The following TVP23A variants were observed in gnomAD, a reference collection of about 807,000 sequenced individuals.
The protein encoded by TVP23A is trans-golgi network vesicle protein 23 homolog A.
A neutral mutation model predicts 31.7 loss-of-function variants in TVP23A; 21 were observed. That is an observed-to-expected ratio of 0.66 (90% CI 0.47 to 0.95). The LOEUF (loss-of-function observed/expected upper bound fraction) is 0.95. TVP23A is among the 40% of genes least tolerant of loss of function. The pLI is 0.00. For synonymous variants in TVP23A, 104 were observed against 96.0 expected, an observed-to-expected ratio of 1.08 and a Z score of -0.49; for missense variants, 279 against 255.6, an observed-to-expected ratio of 1.09 and a Z score of -0.62.
chr16:10,758,511 A>T (rs1467926556), downstream of TVP23A, among the ~76,000 whole-genome samples: 1 of 152,172 alleles, frequency 6.6e-6, no homozygotes. Flanking sequence ...TTTGGTCTAG[A>T]CATTTGCAGC....
intron 2 of TVP23A, among the ~76,000 whole-genome samples, chr16:10,787,564 C>T (rs945297591): frequency 3.3e-5 from 5 of 152,094 alleles, no homozygotes; most frequent in Admixed American, 2.0e-4. Context: ...GGCAGCCTTC[C>T]GTGAGCGCTA....
At chr16:10,801,094 T>C (rs2033673537) in intron 2 of TVP23A, among the ~76,000 whole-genome samples, 1 of 152,118 alleles carries the variant, frequency 6.6e-6, no homozygotes, top group South Asian at 2.1e-4. Flanking sequence ...TAGAATCAGC[T>C]CCTTTCTAAG....
At chr16:10,778,229 G>A (rs2032194373) in intron 2 of TVP23A, among the ~76,000 whole-genome samples, 1 of 152,092 alleles carries the variant, frequency 6.6e-6, no homozygotes, top group Non-Finnish European at 1.5e-5. Flanking sequence ...AGCTACTCAG[G>A]AGGCTGAGGC....
chr16:10,803,156 T>C (rs1596560212), intron 2 of TVP23A, among the ~76,000 whole-genome samples: 2 of 151,592 alleles, frequency 1.3e-5, no homozygotes, highest in Admixed American at 6.6e-5. Context: ...TGGTGGCGGG[T>C]GCCTGTAATG....
chr16:10,757,822 G>A (rs758114826), downstream of TVP23A: 10 of 1,589,640 alleles, frequency 6.3e-6, no homozygotes, highest in Middle Eastern at 1.7e-4. The surrounding 1 kb of genome is among the most constrained non-coding windows in gnomAD (Gnocchi z 4.1). Context: ...GGAGTTGAAA[G>A]TACAGAAAAG....
chr16:10,795,478 T>C (rs2033337868), intron 2 of TVP23A, among the ~76,000 whole-genome samples: 1 of 152,078 alleles, frequency 6.6e-6, no homozygotes, highest in African/African-American at 2.4e-5. Flanking sequence ...CTCGAACTCC[T>C]GACCTCAGGT....
intron 2 of TVP23A, among the ~76,000 whole-genome samples, chr16:10,786,828 A>G (rs1027081912): frequency 2.0e-5 from 3 of 152,148 alleles, no homozygotes; most frequent in Non-Finnish European, 2.9e-5. Flanking sequence ...AAGAAGAAAG[A>G]AATCGGCAGA....
At chr16:10,776,428 T>C (rs1367914426) in intron 2 of TVP23A, among the ~76,000 whole-genome samples, 1 of 151,968 alleles carries the variant, frequency 6.6e-6, no homozygotes, top group Admixed American at 6.6e-5. Flanking sequence ...TACCAAATTG[T>C]ATAGAGCAGG....
chr16:10,799,459 G>A (rs780301807), intron 2 of TVP23A, among the ~76,000 whole-genome samples: 1 of 152,214 alleles, frequency 6.6e-6, no homozygotes, highest in South Asian at 2.1e-4. Context: ...TCAGCCTCCC[G>A]AGTAGCTCGG....
intron 2 of TVP23A, among the ~76,000 whole-genome samples, chr16:10,799,743 G>A (rs977439861): frequency 6.6e-6 from 1 of 152,220 alleles, no homozygotes; most frequent in Non-Finnish European, 1.5e-5. Context: ...GGTGAAATGA[G>A]GGGTCCCAGG....
intron 2 of TVP23A, among the ~76,000 whole-genome samples, chr16:10,797,385 A>T (rs933044465): frequency 4.8e-5 from 7 of 146,396 alleles, no homozygotes; most frequent in Admixed American, 2.0e-4. Context: ...ATGAAAACAT[A>T]AAAAAAAAAA....
chr16:10,796,038 C>G (rs2033369189), intron 2 of TVP23A, among the ~76,000 whole-genome samples: 1 of 151,048 alleles, frequency 6.6e-6, no homozygotes. Context: ...GCCTGCAAAG[C>G]AAAAAAAATA....
intron 5 of TVP23A, 39 bp from the exon 6 acceptor site, chr16:10,771,837 G>T (rs1176569451): frequency 6.5e-7 from 1 of 1,547,172 alleles, no homozygotes; most frequent in South Asian, 1.2e-5. Context: ...ACTTTTTTTT[G>T]AGACAGAGTT....
At position 10,769,065 on chromosome 16, in the gene TVP23A, A is replaced by G. The variant is rs2031314812; in HGVS notation, c.*37T>C. 1.9e-6 allele frequency: 3 copies of G among 1,613,892 alleles called. No individual in the cohort carries two copies. Among genetic ancestry groups the G allele is most frequent in the Non-Finnish European group, 2.5e-6 (3 of 1,180,002 alleles). On this transcript the variant is annotated 3_prime_UTR_variant, in exon 8 of 8. Transcript: ENST00000299866. ...TTTCCAGGAATCCAAGAGTTTTGTA[A>G]TCTCCATCAGTCAAAAGAAGAGAAC...
At chr16:10,810,161 C>T in intron 2 of TVP23A, among the ~76,000 whole-genome samples, 1 of 152,098 alleles carries the variant, frequency 6.6e-6, no homozygotes, top group East Asian at 1.9e-4. Flanking sequence ...CATGTGTCAC[C>T]TAGACTGGGC....
chr16:10,761,652 T>G (rs1179900603), intron 8 of TVP23A: 1 of 1,076,882 alleles, frequency 9.3e-7, no homozygotes, highest in African/African-American at 1.6e-5. Context: ...GGGTTCCACA[T>G]TCAAACTAAG....
intron 2 of TVP23A, among the ~76,000 whole-genome samples, chr16:10,802,779 C>T (rs2033764054): frequency 6.6e-6 from 1 of 152,116 alleles, no homozygotes; most frequent in Non-Finnish European, 1.5e-5. Context: ...TCATTAACCA[C>T]TAAAAAATCC....
downstream of TVP23A, chr16:10,766,115 T>C (rs1409820925): frequency 1.3e-5 from 2 of 152,378 alleles, no homozygotes; most frequent in African/African-American, 4.8e-5. This position sits in a 1 kb window ranked among gnomAD's most constrained non-coding sequence, Gnocchi z 4.8. Context: ...GAGTTACAGA[T>C]GCCAGCGCTC....
intron 2 of TVP23A, among the ~76,000 whole-genome samples, chr16:10,792,561 C>G (rs1293476872): frequency 6.6e-6 from 1 of 152,236 alleles, no homozygotes; most frequent in Non-Finnish European, 1.5e-5. Context: ...CTCTTCTCTT[C>G]CATTTGCAAG....
Sources: allele counts gnomAD v4.1 joint callset (sites outside exome capture counted in the v4.1 genomes callset), GRCh38; gene constraint gnomAD v4.1.1; non-coding constraint Gnocchi (gnomAD v3.1); transcripts MANE v1.5; gene names NCBI Gene and HGNC (gene_info 2026-07-23, HGNC 2026-07-21).